Variants in MDGA2 observed in about 807,000 individuals in gnomAD.
MDGA2 encodes MAM domain-containing glycosylphosphatidylinositol anchor protein 2.
A neutral mutation model predicts 117.8 loss-of-function variants in MDGA2; 40 were observed. That is an observed-to-expected ratio of 0.34 (90% CI 0.26 to 0.44). The LOEUF (loss-of-function observed/expected upper bound fraction) is 0.44. Ranked by LOEUF, MDGA2 falls within the 20% of genes least tolerant of loss-of-function variation. MDGA2 has a pLI of 1.00. For synonymous variants in MDGA2, 452 were observed against 439.0 expected (o/e 1.03, Z -0.37); for missense variants, 1,123 against 1,250.6 (o/e 0.90, Z 1.54).
intron 3 of MDGA2, among the ~76,000 whole-genome samples, chr14:47,158,813 C>A (rs1397982304): frequency 6.6e-6 from 1 of 152,096 alleles, no homozygotes; most frequent in Non-Finnish European, 1.5e-5. Context: ...AGTGGGTAAA[C>A]TGATAAATAA....
chr14:47,540,167 C>T (rs1895312620), intron 1 of MDGA2, among the ~76,000 whole-genome samples: 1 of 152,148 alleles, frequency 6.6e-6, no homozygotes. Context: ...GCGCCCGCCA[C>T]CTCGCCCGGC....
chr14:46,848,403 A>G (rs1323216682), intron 15 of MDGA2, among the ~76,000 whole-genome samples: 1 of 151,988 alleles, frequency 6.6e-6, no homozygotes, highest in Non-Finnish European at 1.5e-5. Context: ...TTCTTTAAAA[A>G]TCAAAACTAA....
chr14:47,657,869 T>C (rs1479598664), intron 1 of MDGA2, among the ~76,000 whole-genome samples: 1 of 152,178 alleles, frequency 6.6e-6, no homozygotes. Context: ...TTGCAGGATA[T>C]GACACAGTCC....
intron 1 of MDGA2, among the ~76,000 whole-genome samples, chr14:47,405,084 T>G (rs1266494675): frequency 6.6e-6 from 1 of 152,198 alleles, no homozygotes; most frequent in African/African-American, 2.4e-5. Flanking sequence ...TCAAAAGGTA[T>G]TTTCTTCTAT....
At chr14:47,253,170 T>C (rs955961474) in intron 2 of MDGA2, among the ~76,000 whole-genome samples, 1 of 152,072 alleles carries the variant, frequency 6.6e-6, no homozygotes, top group Non-Finnish European at 1.5e-5. Flanking sequence ...CCAAACCATA[T>C]CATTCCACCC....
chr14:47,416,793 G>A (rs1377581454), intron 1 of MDGA2, among the ~76,000 whole-genome samples: 1 of 152,152 alleles, frequency 6.6e-6, no homozygotes, highest in Non-Finnish European at 1.5e-5. Context: ...TGGCCTACTG[G>A]AGCAAAATCT....
At chr14:47,302,274 C>T (rs1056753224) in intron 1 of MDGA2, among the ~76,000 whole-genome samples, 5 of 152,174 alleles carry the variant, frequency 3.3e-5, no homozygotes, top group Admixed American at 1.3e-4. Context: ...ACTTACACAT[C>T]GTTGGGGACA....
intron 1 of MDGA2, among the ~76,000 whole-genome samples, chr14:47,485,200 G>A (rs1339328615): frequency 6.6e-6 from 1 of 152,160 alleles, no homozygotes; most frequent in African/African-American, 2.4e-5. Context: ...ATAAGGTCCA[G>A]GATGAGGTGG....
intron 2 of MDGA2, among the ~76,000 whole-genome samples, chr14:47,281,640 CTAA>C (rs1566718144): frequency 1.3e-5 from 2 of 152,178 alleles, no homozygotes; most frequent in African/African-American, 4.8e-5. Flanking sequence ...CATATTTCAA[CTAA>C]TGATTTTAGC....
At chr14:47,375,869 G>A (rs569542374) in intron 1 of MDGA2, among the ~76,000 whole-genome samples, 10 of 152,040 alleles carry the variant, frequency 6.6e-5, no homozygotes, top group Non-Finnish European at 1.5e-4. Context: ...TTTACCCACA[G>A]CTGCCCCTCC....
At chr14:47,626,187 T>G (rs1044135275) in intron 1 of MDGA2, among the ~76,000 whole-genome samples, 1 of 152,254 alleles carries the variant, frequency 6.6e-6, no homozygotes, top group African/African-American at 2.4e-5. Context: ...ATTTTCTACA[T>G]GGCAGATAGG....
At chr14:46,877,057 G>C (rs1278481077) in intron 12 of MDGA2, among the ~76,000 whole-genome samples, 1 of 151,344 alleles carries the variant, frequency 6.6e-6, no homozygotes, top group Non-Finnish European at 1.5e-5. Context: ...TTCTATAAAA[G>C]AAAGTCTCAA....
rs142205604 is a variant in MDGA2 at position 47,568,348 on chromosome 14, C to G, written c.280+106169G>C. Among the ~76,000 whole-genome samples, 45 of 152,230 alleles carry G rather than the reference C, an allele frequency of 3.0e-4. No individual in the cohort carries two copies. In the East Asian group the frequency reaches 7.7e-3, roughly 26 times the overall value. Reference sequence around the variant, plus strand: ...AACTTAATGAATCATACAAATATAACAAAATGCAGTTATTTTGGAATTCAT... The same window carrying G: ...AACTTAATGAATCATACAAATATAAGAAAATGCAGTTATTTTGGAATTCAT... On this transcript the variant is annotated intron_variant, in intron 1 of 16. Coordinates refer to ENST00000399232, the MANE Select transcript of MDGA2 (RefSeq NM_001113498.3).
chr14:47,040,685 T>C (rs117338056), intron 7 of MDGA2, among the ~76,000 whole-genome samples: 638 of 152,300 alleles, frequency 4.2e-3, no homozygotes, highest in Non-Finnish European at 6.6e-3. Flanking sequence ...GCCCCATGTG[T>C]TGAAACTCAG....
chr14:47,176,360 A>G (rs1884448331), intron 3 of MDGA2, among the ~76,000 whole-genome samples: 1 of 152,222 alleles, frequency 6.6e-6, no homozygotes, highest in African/African-American at 2.4e-5. Flanking sequence ...CTAAGCCAAA[A>G]GAACAAAGCT....
At chr14:47,446,881 C>T (rs1310147032) in intron 1 of MDGA2, among the ~76,000 whole-genome samples, 3 of 151,934 alleles carry the variant, frequency 2.0e-5, no homozygotes. Context: ...TATTTCAGCC[C>T]CCCTCTATTG....
At chr14:47,160,341 C>T (rs1194569678) in intron 3 of MDGA2, among the ~76,000 whole-genome samples, 4 of 152,096 alleles carry the variant, frequency 2.6e-5, no homozygotes, top group African/African-American at 9.7e-5. Context: ...TGGTTATTCT[C>T]AGGCATCTAT....
At chr14:47,501,439 T>C (rs1216034700) in intron 1 of MDGA2, among the ~76,000 whole-genome samples, 1 of 152,102 alleles carries the variant, frequency 6.6e-6, no homozygotes, top group African/African-American at 2.4e-5. Flanking sequence ...TGGTATTAGA[T>C]AGTGTTAAGG....
rs904278565 is a variant in MDGA2 at position 46,917,907 on chromosome 14, C to T, written c.2238+2105G>A. Among the ~76,000 whole-genome samples the T allele has an allele frequency of 2.0e-5, 3 of 152,092 alleles. No homozygotes were observed. The South Asian group carries it at 6.2e-4, about 32-fold the overall frequency. ...GATGAGAAAGAGAAGGCTTAAATGA[C>T]GGGATCTCTCTTGGGAGGAATTCTA... On this transcript the variant is annotated intron_variant, in intron 10 of 16. Transcript: ENST00000399232.
Sources: allele counts gnomAD v4.1 joint callset (sites outside exome capture counted in the v4.1 genomes callset), GRCh38; gene constraint gnomAD v4.1.1; transcripts MANE v1.5; gene names NCBI Gene and HGNC (gene_info 2026-07-23, HGNC 2026-07-21).